HLF: variants seen among roughly 807,000 people sequenced by gnomAD.
The protein encoded by HLF is hepatic leukemia factor.
A neutral mutation model predicts 22.6 loss-of-function variants in HLF; 3 were observed. That is an observed-to-expected ratio of 0.13 (90% CI 0.06 to 0.34). The LOEUF is 0.34. Ranked by LOEUF, HLF falls within the 10% of genes least tolerant of loss-of-function variation. The probability of loss-of-function intolerance (pLI) is 1.00; values close to 1 mark genes in which losing one functional copy is unlikely to be tolerated. For synonymous variants in HLF, 151 were observed against 151.8 expected (o/e 0.99, Z 0.04); for missense variants, 299 against 389.2 (o/e 0.77, Z 1.95).
chr17:55,268,805 C>G (rs2080823060), intron 2 of HLF, among the ~76,000 whole-genome samples: 1 of 151,950 alleles, frequency 6.6e-6, no homozygotes, highest in African/African-American at 2.4e-5. Context: ...CACAAGGCTG[C>G]AAGGTCAGCT....
intron 2 of HLF, among the ~76,000 whole-genome samples, chr17:55,299,832 T>C (rs2081141255): frequency 6.6e-6 from 1 of 150,936 alleles, no homozygotes; most frequent in African/African-American, 2.5e-5. Flanking sequence ...CATTTGCTTT[T>C]TTTCCTTCTT....
At chr17:55,314,943 G>T (rs915945760) in intron 2 of HLF, among the ~76,000 whole-genome samples, 18 of 152,234 alleles carry the variant, frequency 1.2e-4, no homozygotes, top group African/African-American at 4.3e-4. Context: ...GCACATCGCT[G>T]TGTGATAGGA....
chr17:55,288,755 CAA>C (rs5821096), intron 2 of HLF: 85 of 190,644 alleles, frequency 4.5e-4, no homozygotes, highest in Non-Finnish European at 7.3e-4. Context: ...CACCCTGTCT[CAA>C]AAAAAAAAAA....
intron 2 of HLF, among the ~76,000 whole-genome samples, chr17:55,285,795 G>A (rs1567816155): frequency 6.6e-6 from 1 of 152,242 alleles, no homozygotes; most frequent in South Asian, 2.1e-4. Flanking sequence ...AACATCCACG[G>A]TGGTGTCTAT....
At chr17:55,283,726 C>G (rs945597331) in intron 2 of HLF, 2 of 152,214 alleles carry the variant, frequency 1.3e-5, no homozygotes, top group Non-Finnish European at 2.9e-5. Flanking sequence ...CAGTAAAGCA[C>G]AGGCATAGGT....
At position 55,320,542 on chromosome 17, in the gene HLF, A is replaced by G. The variant is rs924629790; in HGVS notation, c.673-122A>G. The stretch of plus-strand genomic sequence containing the variant: ...AGAAACTGTAAAGGAAGGAGACACA[A>G]GCTAAGAAACCCGGGCTGGCACCTC... On this transcript the variant is annotated intron_variant, in intron 3 of 3. Transcript: ENST00000226067. The surrounding 1 kb of genome is among the most constrained non-coding windows in gnomAD (Gnocchi z 4.2). The G allele has an allele frequency of 3.9e-5, 29 of 741,084 alleles. No individual in the cohort carries two copies. Among genetic ancestry groups the G allele is most frequent in the Non-Finnish European group, 2.2e-6 (1 of 451,130 alleles). The allele number at this position is 741,084 out of a possible 1,614,324, so 45.9% of individuals were successfully genotyped here. A position where few individuals can be genotyped will look rare whatever the true frequency, so the allele number is the denominator to read the frequency against.
At chr17:55,315,568 C>T (rs1905033863) in intron 3 of HLF, 121 bp downstream of exon 3, 1 of 744,608 alleles carries the variant, frequency 1.3e-6, no homozygotes, top group Non-Finnish European at 2.3e-6. Context: ...GATTTCTGAT[C>T]CTGTTTCTTG....
intron 2 of HLF, among the ~76,000 whole-genome samples, chr17:55,310,968 A>G (rs1261094694): frequency 6.6e-6 from 1 of 152,190 alleles, no homozygotes; most frequent in Non-Finnish European, 1.5e-5. Flanking sequence ...TGTTTTTAAA[A>G]AAGCCCACAA....
At chr17:55,267,680 A>G (rs1185727899) in intron 1 of HLF, 71 bp from the exon 2 acceptor site, 1 of 1,082,072 alleles carries the variant, frequency 9.2e-7, no homozygotes, top group East Asian at 2.5e-5. Flanking sequence ...GGCCAGGAAA[A>G]GTGATAAAAG....
At position 55,300,155 on chromosome 17, in the gene HLF, T is replaced by C. The variant is rs539580241; in HGVS notation, c.452-15072T>C. Among the ~76,000 whole-genome samples the C allele has an allele frequency of 2.3e-4, 35 of 152,306 alleles. No homozygotes were observed. The South Asian group carries it at 4.1e-3, about 18-fold the overall frequency. The stretch of plus-strand genomic sequence containing the variant: ...GCCTTCCTCATTTGTTTAACAGATA[T>C]AGTAATGCAGCCACTTGATTAGGAG... On this transcript the variant is annotated intron_variant, in intron 2 of 3. Transcript: ENST00000226067.
intron 1 of HLF, chr17:55,267,537 C>T (rs2145289430): frequency 1.9e-6 from 1 of 513,082 alleles, no homozygotes; most frequent in East Asian, 3.2e-5. Flanking sequence ...CTAGTGCCTT[C>T]TTTCCAAAGT....
At chr17:55,269,759 A>G (rs1426073057) in intron 2 of HLF, among the ~76,000 whole-genome samples, 1 of 152,210 alleles carries the variant, frequency 6.6e-6, no homozygotes, top group African/African-American at 2.4e-5. Flanking sequence ...ACTTATTTCA[A>G]TCCCTGTCTT....
At chr17:55,274,806 A>G (rs563118388) in intron 2 of HLF, among the ~76,000 whole-genome samples, 2 of 152,356 alleles carry the variant, frequency 1.3e-5, no homozygotes, top group Admixed American at 1.3e-4. Context: ...CGCACACAGC[A>G]AGTGCTTAAT....
At position 55,320,669 on chromosome 17, in the gene HLF, C is replaced by A. The variant is rs767703960; in HGVS notation, c.678C>A (p.Asp226Glu). The change falls in exon 4 of 4, where the codon GAC becomes GAA. Residue 226 changes from aspartate to glutamate, a missense_variant. Transcript: ENST00000226067. This position sits in a 1 kb window ranked among gnomAD's most constrained non-coding sequence, Gnocchi z 4.2. ...KVFIPDDLKDDKYWARRRKNN... is the reference protein window; with the variant it reads ...KVFIPDDLKDEKYWARRRKNN... ...CTTCTGTAACTAATGAGCAGGATGA[C>A]AAGTACTGGGCAAGGCGCAGAAAGA... 6 of 1,613,908 alleles carry A rather than the reference C, an allele frequency of 3.7e-6. No individual in the cohort carries two copies. The highest frequency in any genetic ancestry group is 5.1e-6 in the Non-Finnish European group (6 of 1,179,794).
intron 3 of HLF, among the ~76,000 whole-genome samples, chr17:55,316,965 GTTTTT>G (rs35293604): frequency 1.4e-4 from 15 of 107,126 alleles, no homozygotes; most frequent in African/African-American, 2.2e-4. Flanking sequence ...TTTTTATGGT[GTTTTT>G]TTTTTTTTTT....
chr17:55,315,714 G>C (rs1010527432), intron 3 of HLF, among the ~76,000 whole-genome samples: 1 of 152,128 alleles, frequency 6.6e-6, no homozygotes, highest in South Asian at 2.1e-4. Context: ...AAACAAACCT[G>C]CTCCTATCTG....
intron 3 of HLF, among the ~76,000 whole-genome samples, chr17:55,318,223 T>C (rs1598410971): frequency 6.6e-6 from 1 of 152,074 alleles, no homozygotes; most frequent in Admixed American, 6.6e-5. Flanking sequence ...AAATCCCGCT[T>C]CCCCCCTGCC....
intron 2 of HLF, chr17:55,271,496 G>A (rs536744801): frequency 6.6e-6 from 1 of 152,128 alleles, no homozygotes; most frequent in Admixed American, 6.5e-5. Context: ...GACAAGGTGA[G>A]CATTCTTGTG....
At chr17:55,290,809 CAGTT>C (rs2081054959) in intron 2 of HLF, among the ~76,000 whole-genome samples, 1 of 152,186 alleles carries the variant, frequency 6.6e-6, no homozygotes, top group African/African-American at 2.4e-5. Context: ...TTGAGCCAAA[CAGTT>C]AGCTGCATTG....
Sources: gnomAD v4.1 joint callset for allele counts (sites outside exome capture counted in the v4.1 genomes callset) on GRCh38, gnomAD v4.1.1 for gene constraint, Gnocchi (gnomAD v3.1) non-coding constraint, MANE v1.5 for transcripts, NCBI Gene and HGNC (gene_info 2026-07-23, HGNC 2026-07-21) for gene names.